PLCG2: variants seen among roughly 807,000 people sequenced by gnomAD.
PLCG2 encodes phospholipase C gamma 2.
In PLCG2, 69 loss-of-function variants were observed where a neutral mutation model predicts 175.6. The ratio of observed to expected loss-of-function variants is 0.39; its 90% CI spans 0.32 to 0.48. PLCG2 has a LOEUF of 0.48. Ranked by LOEUF, PLCG2 falls within the 20% of genes least tolerant of loss-of-function variation. The pLI is 0.91. For synonymous variants in PLCG2, 827 were observed against 624.0 expected (o/e 1.33, Z -4.85); for missense variants, 1,798 against 1,650.9 (o/e 1.09, Z -1.54).
chr16:81,756,771 C>T (rs1228347084), intron 2 of PLCG2, among the ~76,000 whole-genome samples: 5 of 152,194 alleles, frequency 3.3e-5, no homozygotes, highest in African/African-American at 1.2e-4. Flanking sequence ...AACAAAGCTG[C>T]GTTTGAGCCT....
intron 2 of PLCG2, among the ~76,000 whole-genome samples, chr16:81,834,016 C>A (rs75307654): frequency 7.3e-4 from 111 of 152,312 alleles, no homozygotes; most frequent in African/African-American, 2.6e-3. Flanking sequence ...GGAGCAGCTG[C>A]TGGAACGTGG....
At chr16:81,810,129 C>T (rs1272316272) in intron 2 of PLCG2, among the ~76,000 whole-genome samples, 3 of 152,046 alleles carry the variant, frequency 2.0e-5, no homozygotes, top group Non-Finnish European at 2.9e-5. Context: ...GTAGGTGGGA[C>T]TACAGGCACT....
intron 5 of PLCG2, among the ~76,000 whole-genome samples, chr16:81,860,207 C>T (rs1024079213): frequency 7.2e-6 from 1 of 139,738 alleles, no homozygotes; most frequent in African/African-American, 2.6e-5. Context: ...AAGTCTTACC[C>T]AGACATTTTT....
rs753550686 is a variant in PLCG2, at chr16:81,961,199, A to G, written c.*3201A>G. 9 of 227,560 alleles carry G rather than the reference A, an allele frequency of 4.0e-5. No individual in the cohort carries two copies. Among genetic ancestry groups the G allele is most frequent in the East Asian group, 3.8e-4 (6 of 15,770 alleles). 14.1% of individuals were successfully genotyped at this position (227,560 alleles called of 1,614,324 possible). Reference sequence around the variant, plus strand: ...GTTGGAAGAATTCAGTGATTCTGCTATCATAAAGCTTCCGTTCCCATTGAT... The same window carrying G: ...GTTGGAAGAATTCAGTGATTCTGCTGTCATAAAGCTTCCGTTCCCATTGAT... On this transcript the variant is annotated 3_prime_UTR_variant, in exon 33 of 33. Transcript: ENST00000564138.
intron 1 of PLCG2, among the ~76,000 whole-genome samples, chr16:81,749,171 G>T (rs941207843): frequency 2.0e-5 from 3 of 152,174 alleles, no homozygotes; most frequent in African/African-American, 7.2e-5. Flanking sequence ...TGGTTGGGTG[G>T]TTTATTTGGG....
intron 2 of PLCG2, among the ~76,000 whole-genome samples, chr16:81,764,808 G>C (rs956424432): frequency 3.2e-4 from 49 of 152,312 alleles, no homozygotes; most frequent in African/African-American, 1.2e-3. Context: ...AAATTGATGA[G>C]GCTGGGTGTG....
At chr16:81,919,410 T>G (rs1418396567) in intron 19 of PLCG2, 74 bp from the exon 20 acceptor site, 3 of 1,164,784 alleles carry the variant, frequency 2.6e-6, no homozygotes, top group African/African-American at 1.5e-5. Context: ...TTGTATCTAA[T>G]CAGTAGGGTT....
At chr16:81,849,771 C>CAAAAAAAAAAAAAAAA (rs34130863) in intron 2 of PLCG2, among the ~76,000 whole-genome samples, 1 of 83,154 alleles carries the variant, frequency 1.2e-5, no homozygotes, top group Non-Finnish European at 2.1e-5. Context: ...AACTCTGTCT[C>CAAAAAAAAAAAAAAAA]AAAAAAAAAA....
In PLCG2 at chr16:81,936,002, G is replaced by A. The variant is rs1244532625; in HGVS notation, c.2843-167G>A. ...TACTTGGAACCCCCAGAGGGCAAGA[G>A]TCCACAGTGATACCAATTGGGACAA... On this transcript the variant is annotated intron_variant, in intron 26 of 32. Transcript: ENST00000564138. The A allele has an allele frequency of 5.1e-6, 5 of 985,232 alleles. No individual in the cohort carries two copies. In the Admixed American group the frequency reaches 1.8e-4, roughly 36 times the overall value. 61.0% of individuals were successfully genotyped at this position (985,232 alleles called of 1,614,324 possible).
intron 1 of PLCG2, among the ~76,000 whole-genome samples, chr16:81,743,900 C>G (rs1909650026): frequency 6.6e-6 from 1 of 150,866 alleles, no homozygotes; most frequent in Non-Finnish European, 1.5e-5. Context: ...GCACTGTTAT[C>G]CAGGCTGGAG....
intron 5 of PLCG2, among the ~76,000 whole-genome samples, chr16:81,864,342 C>T (rs572408872): frequency 6.6e-6 from 1 of 152,264 alleles, no homozygotes; most frequent in East Asian, 1.9e-4. Context: ...CAAAACAAAA[C>T]AAAATGAAAT....
chr16:81,942,572 C>T (rs16956040), intron 30 of PLCG2, among the ~76,000 whole-genome samples: 25,044 of 152,090 alleles, frequency 0.16, 2,618 homozygotes, highest in South Asian at 0.29. Flanking sequence ...CCAGTTGGAG[C>T]GCAGGAAGGA....
intron 2 of PLCG2, among the ~76,000 whole-genome samples, chr16:81,834,437 C>T (rs571873265): frequency 6.6e-6 from 1 of 152,284 alleles, no homozygotes; most frequent in East Asian, 1.9e-4. Flanking sequence ...TGGCAGGACT[C>T]AGACCCCAGC....
upstream of PLCG2, among the ~76,000 whole-genome samples, chr16:81,779,003 G>A (rs1910594748): frequency 6.6e-6 from 1 of 152,182 alleles, no homozygotes; most frequent in Non-Finnish European, 1.5e-5. Context: ...ACTGCGGCCG[G>A]CTCTCCAGGA....
chr16:81,756,859 C>G (rs765486799), intron 2 of PLCG2, among the ~76,000 whole-genome samples: 7 of 152,186 alleles, frequency 4.6e-5, no homozygotes, highest in Non-Finnish European at 1.0e-4. Flanking sequence ...TGTTCCGAGT[C>G]TGATCTGTCT....
chr16:81,832,392 C>T (rs1221049492), intron 2 of PLCG2, among the ~76,000 whole-genome samples: 1 of 152,184 alleles, frequency 6.6e-6, no homozygotes, highest in Non-Finnish European at 1.5e-5. Context: ...AATCTGTCCC[C>T]ACCCTGCCTT....
At chr16:81,932,487 C>T (rs1910542338) in intron 25 of PLCG2, among the ~76,000 whole-genome samples, 1 of 152,212 alleles carries the variant, frequency 6.6e-6, no homozygotes, top group South Asian at 2.1e-4. Flanking sequence ...CCATTTGTTT[C>T]TAAGGTAGAA....
At chr16:81,768,708 G>C (rs1009263223) in intron 2 of PLCG2, among the ~76,000 whole-genome samples, 9 of 151,914 alleles carry the variant, frequency 5.9e-5, no homozygotes, top group African/African-American at 2.2e-4. Flanking sequence ...TGGGATTACA[G>C]GTTTCCCCCA....
chr16:81,948,338 A>AGGAAAGCTTAAATAGTCATCATCTTCC (rs1460248306), intron 31 of PLCG2, among the ~76,000 whole-genome samples: 36 of 151,426 alleles, frequency 2.4e-4, no homozygotes, highest in Non-Finnish European at 4.1e-4. Flanking sequence ...TGGGGAAAAT[A>AGGAAAGCTTAAATAGTCATCATCTTCC]GGAAAGCTTA....
Sources: allele counts gnomAD v4.1 joint callset (sites outside exome capture counted in the v4.1 genomes callset), GRCh38; gene constraint gnomAD v4.1.1; transcripts MANE v1.5; gene names NCBI Gene and HGNC (gene_info 2026-07-23, HGNC 2026-07-21).